AMZ1: variants seen among roughly 807,000 people sequenced by gnomAD.
The protein encoded by AMZ1 is archaemetzincin-1.
AMZ1 carries 39 observed loss-of-function variants against 29.9 expected under a neutral mutation model. The ratio of observed to expected loss-of-function variants is 1.30; its 90% CI spans 1.01 to 1.70. The LOEUF (loss-of-function observed/expected upper bound fraction) is 1.70, where lower values mean the gene tolerates loss of function less well. Ranked by LOEUF, AMZ1 falls within the 40% of genes most tolerant of loss-of-function variation. AMZ1 has a pLI of 0.00. For synonymous variants in AMZ1, 458 were observed against 304.0 expected, an observed-to-expected ratio of 1.51 and a Z score of -5.27; for missense variants, 1,041 against 680.6, an observed-to-expected ratio of 1.53 and a Z score of -5.89.
chr7:2,709,498 G>A (rs1788609611), intron 5 of AMZ1, 142 bp from the exon 6 acceptor site: 2 of 1,320,578 alleles, frequency 1.5e-6, no homozygotes, highest in Admixed American at 4.9e-5. Context: ...TGCCGCCTGG[G>A]GCAGGGGGAG....
At chr7:2,761,825 C>T (rs149053854), upstream of AMZ1, among the ~76,000 whole-genome samples, 128 of 152,288 alleles carry the variant, frequency 8.4e-4, 1 homozygote, top group African/African-American at 2.9e-3. Flanking sequence ...GCTTTCATAC[C>T]CTGGATAGTG....
downstream of AMZ1, among the ~76,000 whole-genome samples, chr7:2,721,750 C>T (rs1789431064): frequency 6.6e-6 from 1 of 151,046 alleles, no homozygotes; most frequent in South Asian, 2.1e-4. Context: ...GGGTGGGTGC[C>T]ACACTCAGGG....
intron 3 of AMZ1, among the ~76,000 whole-genome samples, chr7:2,704,741 C>CG (rs1467685314): frequency 1.3e-5 from 2 of 151,844 alleles, no homozygotes; most frequent in Non-Finnish European, 2.9e-5. Context: ...GGCCTACAGG[C>CG]GCCCAGTACT....
Position 2,712,376 on chromosome 7 carries a change from A to G in AMZ1, c.995A>G (p.Gln332Arg), listed in dbSNP as rs1247563427. Residue 332 changes from glutamine to arginine, a missense_variant, in exon 7 of 7, where the codon CAG becomes CGG. Gln to Arg is a conservative substitution (Grantham distance 43). Transcript: ENST00000683327. ...GCGGTGGTGGGGACGTGGCCCAGCC[A>G]GGAGGCGGGGGAGCCGTCAGTGTGG... is the stretch of plus-strand genomic sequence containing the variant. Reference protein sequence around the residue: ...TQAVVGTWPSQEAGEPSVWED... With the variant: ...TQAVVGTWPSREAGEPSVWED... The G allele has an allele frequency of 1.1e-5, 18 of 1,606,546 alleles. No individual in the cohort carries two copies. The highest frequency in any genetic ancestry group is 1.7e-4 in the Middle Eastern group (1 of 6,024).
chr7:2,706,018 C>A (rs1287526250), intron 3 of AMZ1, among the ~76,000 whole-genome samples: 1 of 152,178 alleles, frequency 6.6e-6, no homozygotes, highest in Non-Finnish European at 1.5e-5. Context: ...GCTTTCCACC[C>A]CCTCTGCTTA....
intron 3 of AMZ1, among the ~76,000 whole-genome samples, chr7:2,706,763 G>A (rs117682734): frequency 0.029 from 4,341 of 152,298 alleles, 81 homozygotes; most frequent in Non-Finnish European, 0.041. Context: ...GGCAGGTTCC[G>A]GGGGTTAGGA....
At chr7:2,753,994 G>A (rs1030657247) in intron 4 of AMZ1, among the ~76,000 whole-genome samples, 1 of 152,144 alleles carries the variant, frequency 6.6e-6, no homozygotes, top group African/African-American at 2.4e-5. Context: ...GATATGCTCA[G>A]TGACCAGAGA....
upstream of AMZ1, among the ~76,000 whole-genome samples, chr7:2,761,542 G>A (rs553448898): frequency 2.0e-5 from 3 of 152,288 alleles, no homozygotes; most frequent in South Asian, 2.1e-4. Flanking sequence ...GGACAGCATC[G>A]CCCTCCAGAA....
intron 4 of AMZ1, among the ~76,000 whole-genome samples, chr7:2,749,404 T>A (rs1562403872): frequency 6.6e-6 from 1 of 150,664 alleles, no homozygotes; most frequent in Non-Finnish European, 1.5e-5. Context: ...AGCAAACTAT[T>A]GCAAGGACAA....
At chr7:2,737,780 T>C (rs1583213468) in intron 4 of AMZ1, among the ~76,000 whole-genome samples, 2 of 152,342 alleles carry the variant, frequency 1.3e-5, no homozygotes, top group East Asian at 1.9e-4. Context: ...CAGCAAACTA[T>C]GCCAAAGGCC....
At chr7:2,744,452 G>T (rs997799999) in intron 4 of AMZ1, among the ~76,000 whole-genome samples, 120 of 152,348 alleles carry the variant, frequency 7.9e-4, no homozygotes, top group Non-Finnish European at 1.4e-3. Flanking sequence ...ACCTGCAGCT[G>T]AGGGTCCTGT....
chr7:2,726,708 T>A (rs1231755217), intron 4 of AMZ1, among the ~76,000 whole-genome samples: 3 of 152,238 alleles, frequency 2.0e-5, no homozygotes, highest in African/African-American at 2.4e-5. Flanking sequence ...CCACTCCTCT[T>A]TCCAGAAAGC....
At chr7:2,684,824 C>T (rs1271771107), upstream of AMZ1, among the ~76,000 whole-genome samples, 1 of 151,924 alleles carries the variant, frequency 6.6e-6, no homozygotes, top group Non-Finnish European at 1.5e-5. Context: ...CCCGGGCTGA[C>T]CCAACAGACA....
At chr7:2,729,000 T>G (rs756620625) in intron 4 of AMZ1, 4 of 152,400 alleles carry the variant, frequency 2.6e-5, no homozygotes, top group Non-Finnish European at 4.4e-5. Context: ...CTCTCATGCT[T>G]CTGGTTTGAA....
downstream of AMZ1, among the ~76,000 whole-genome samples, chr7:2,720,306 C>T (rs959545148): frequency 3.9e-5 from 6 of 152,346 alleles, no homozygotes; most frequent in Middle Eastern, 3.4e-3. Context: ...GTTCACTCCC[C>T]GTTTCCATGT....
intron 4 of AMZ1, among the ~76,000 whole-genome samples, chr7:2,746,728 G>A (rs1443810089): frequency 2.0e-5 from 3 of 152,084 alleles, no homozygotes; most frequent in East Asian, 1.9e-4. Flanking sequence ...ATGAATCCAG[G>A]AGCTGGTTTT....
At chr7:2,722,627 G>A (rs943892771), downstream of AMZ1, among the ~76,000 whole-genome samples, 6 of 152,196 alleles carry the variant, frequency 3.9e-5, no homozygotes, top group African/African-American at 1.2e-4. Context: ...GTAATTTTTT[G>A]AGATTCGAGA....
intron 4 of AMZ1, among the ~76,000 whole-genome samples, chr7:2,743,919 T>C (rs1188378340): frequency 3.3e-5 from 5 of 151,932 alleles, no homozygotes; most frequent in South Asian, 2.1e-4. Flanking sequence ...GTCTTGCTCA[T>C]TGCTAGCACA....
At chr7:2,750,126 G>C (rs62441392) in intron 4 of AMZ1, among the ~76,000 whole-genome samples, 2,124 of 152,232 alleles carry the variant, frequency 0.014, 21 homozygotes, top group Non-Finnish European at 0.023. Flanking sequence ...TAATCCACAG[G>C]TCAAAGAAGT....
Sources: gnomAD v4.1 joint callset for allele counts (sites outside exome capture counted in the v4.1 genomes callset) on GRCh38, gnomAD v4.1.1 for gene constraint, MANE v1.5 for transcripts, NCBI Gene and HGNC (gene_info 2026-07-23, HGNC 2026-07-21) for gene names.